PLA2G2D: variants seen among roughly 807,000 people sequenced by gnomAD.
PLA2G2D encodes the protein group IID secretory phospholipase A2.
PLA2G2D carries 17 observed loss-of-function variants against 13.9 expected under a neutral mutation model. The observed-to-expected ratio is 1.23, with a 90% CI of 0.84 to 1.84. The LOEUF (loss-of-function observed/expected upper bound fraction) is 1.84. PLA2G2D is among the 40% of genes most tolerant of loss of function. The pLI, the probability that PLA2G2D is intolerant of heterozygous loss-of-function variation, is 0.00. For synonymous variants in PLA2G2D, 83 were observed against 69.3 expected, an observed-to-expected ratio of 1.20 and a Z score of -0.98; for missense variants, 194 against 178.7, an observed-to-expected ratio of 1.09 and a Z score of -0.49.
chr1:20,112,370 G>T lies in PLA2G2D; in HGVS notation c.*1744C>A, dbSNP rs1316094825. ...CACACAGGCACAGCTGCCCCCATGGGTATCCCTACCTGGAGTGGTGCATAG... is the reference window on the plus strand; with the variant it reads ...CACACAGGCACAGCTGCCCCCATGGTTATCCCTACCTGGAGTGGTGCATAG... On this transcript the variant is annotated 3_prime_UTR_variant, in exon 4 of 4. Transcript: ENST00000375105. 6.6e-6 allele frequency: 1 copy of T among 152,250 alleles called. No individual in the cohort carries two copies. The highest frequency in any genetic ancestry group is 6.5e-5 in the Admixed American group (1 of 15,278). The allele number at this position is 152,250 out of a possible 1,614,324, so 9.4% of individuals were successfully genotyped here. A position where few individuals can be genotyped will look rare whatever the true frequency, so the allele number is the denominator to read the frequency against.
rs2016925643 is a variant in PLA2G2D, at chr1:20,113,499, C to T, written c.*615G>A. The stretch of plus-strand genomic sequence containing the variant: ...CCTGGCGGCTTTGTCTAGGCTTCAC[C>T]CAAGAAGGATTTATGGAGCTCCTTC... On this transcript the variant is annotated 3_prime_UTR_variant, in exon 4 of 4. Coordinates refer to ENST00000375105, the MANE Select transcript of PLA2G2D (RefSeq NM_012400.4). 1 of 152,156 alleles carries T rather than the reference C, an allele frequency of 6.6e-6. No homozygotes were observed. Among genetic ancestry groups the T allele is most frequent in the Admixed American group, 6.5e-5 (1 of 15,274 alleles). The allele number at this position is 152,156 out of a possible 1,614,324, so 9.4% of individuals were successfully genotyped here.
intron 1 of PLA2G2D, among the ~76,000 whole-genome samples, chr1:20,118,122 C>G (rs888943520): frequency 6.6e-6 from 1 of 152,162 alleles, no homozygotes; most frequent in Non-Finnish European, 1.5e-5. Context: ...TGATAAGGAA[C>G]CCAACTGCAA....
At chr1:20,114,865 T>G (rs573401044) in intron 3 of PLA2G2D, among the ~76,000 whole-genome samples, 2 of 152,304 alleles carry the variant, frequency 1.3e-5, no homozygotes, top group South Asian at 4.1e-4. Flanking sequence ...ATATTATTGT[T>G]ACTATTATTA....
intron 3 of PLA2G2D, among the ~76,000 whole-genome samples, chr1:20,114,957 T>C (rs773847694): frequency 6.6e-6 from 1 of 152,134 alleles, no homozygotes; most frequent in Non-Finnish European, 1.5e-5. Context: ...TCTATGCTTG[T>C]GATGCTGGAA....
At chr1:20,115,649 C>T in intron 2 of PLA2G2D, 36 bp from the exon 3 acceptor site, 1 of 1,342,674 alleles carries the variant, frequency 7.4e-7, no homozygotes, top group Non-Finnish European at 1.1e-6. Context: ...CATGGGTCCC[C>T]AGCCTACTGG....
rs142829616 is a variant in PLA2G2D at position 20,117,981 on chromosome 1, G to A, written c.40+1478C>T. Among the ~76,000 whole-genome samples the A allele has an allele frequency of 8.9e-4, 136 of 152,238 alleles. 2 individuals are homozygous for A. Among genetic ancestry groups the A allele is most frequent in the African/African-American group, 2.8e-3 (117 of 41,548 alleles). ...AATGTGTGGGAGTCCATGTTGCCAC[G>A]CCTGTTTGACATGGTGCCTCTAGCT... On this transcript the variant is annotated intron_variant, in intron 1 of 3. Coordinates refer to ENST00000375105, the MANE Select transcript of PLA2G2D (RefSeq NM_012400.4).
Position 20,116,424 on chromosome 1 carries a change from C to G in PLA2G2D, c.94G>C (p.Val32Leu), listed in dbSNP as rs763069479. 6.2e-7 allele frequency: 1 copy of G among 1,614,172 alleles called. No homozygotes were observed. The highest frequency in any genetic ancestry group is 8.5e-7 in the Non-Finnish European group (1 of 1,180,022). ...ILNLNKMVKQ[V>L]TGKMPILSYW... ...GAGAGGATGGGCATTTTCCCAGTCACTTGCTTGACCATCTTGTTCAGGTTC... is the reference window on the plus strand; with the variant it reads ...GAGAGGATGGGCATTTTCCCAGTCAGTTGCTTGACCATCTTGTTCAGGTTC... Residue 32 changes from valine (V) to leucine (L), a missense_variant, in exon 2 of 4, where the codon GTG becomes CTG. Coordinates refer to ENST00000375105, the MANE Select transcript of PLA2G2D (RefSeq NM_012400.4).
intron 2 of PLA2G2D, among the ~76,000 whole-genome samples, chr1:20,115,926 G>A (rs982953532): frequency 5.3e-5 from 8 of 152,210 alleles, no homozygotes; most frequent in Non-Finnish European, 1.2e-4. Context: ...CACACAGCCT[G>A]TAAGTGGCAG....
chr1:20,115,309 G>A (rs2016961438), intron 3 of PLA2G2D, among the ~76,000 whole-genome samples, 198 bp downstream of exon 3: 1 of 152,068 alleles, frequency 6.6e-6, no homozygotes, highest in African/African-American at 2.4e-5. Context: ...CTGAATTCCA[G>A]GTGCTAAAGG....
intron 3 of PLA2G2D, 24 bp from the exon 4 acceptor site, chr1:20,114,283 A>ATGTGTTTG: frequency 6.2e-7 from 1 of 1,608,174 alleles, no homozygotes; most frequent in Non-Finnish European, 8.5e-7. Flanking sequence ...AGGGGGAGCT[A>ATGTGTTTG]TGTGTTTGTC....
chr1:20,116,275 A>G, intron 2 of PLA2G2D, 58 bp downstream of exon 2: 2 of 1,539,888 alleles, frequency 1.3e-6, no homozygotes, highest in Non-Finnish European at 9.0e-7. Flanking sequence ...GTGGAGAGAA[A>G]AGAAGAGTAC....
At chr1:20,117,994 G>A (rs2017023760) in intron 1 of PLA2G2D, among the ~76,000 whole-genome samples, 2 of 152,126 alleles carry the variant, frequency 1.3e-5, no homozygotes. Flanking sequence ...TGTTTGACAT[G>A]GTGCCTCTAG....
rs934000203 is a variant in PLA2G2D, at chr1:20,112,602, T to C, written c.*1512A>G. 2 of 152,144 alleles carry C rather than the reference T, an allele frequency of 1.3e-5. No individual in the cohort carries two copies. The highest frequency in any genetic ancestry group is 2.9e-5 in the Non-Finnish European group (2 of 68,034). The allele number at this position is 152,144 out of a possible 1,614,324, so 9.4% of individuals were successfully genotyped here. Reference sequence around the variant, plus strand: ...GATTGGGAGTCCTCATAGGAAAAAGTTGTCCCTCTTCAGTCTCTTTCCTTA... The same window carrying C: ...GATTGGGAGTCCTCATAGGAAAAAGCTGTCCCTCTTCAGTCTCTTTCCTTA... On this transcript the variant is annotated 3_prime_UTR_variant, in exon 4 of 4. Coordinates refer to ENST00000375105, the MANE Select transcript of PLA2G2D (RefSeq NM_012400.4).
intron 1 of PLA2G2D, among the ~76,000 whole-genome samples, chr1:20,117,948 G>A (rs762350022): frequency 1.4e-4 from 21 of 152,158 alleles, no homozygotes; most frequent in Admixed American, 1.2e-3. Flanking sequence ...TCCCCAGTAC[G>A]TCCCCTCAAT....
In PLA2G2D at chr1:20,113,942, CTGGGA is replaced by C; in HGVS notation, c.*167_*171del. 1 of 553,848 alleles carries C rather than the reference CTGGGA, an allele frequency of 1.8e-6. No homozygotes were observed. Among genetic ancestry groups the C allele is most frequent in the South Asian group, 2.7e-5 (1 of 36,496 alleles). The allele number at this position is 553,848 out of a possible 1,614,324, so 34.3% of individuals were successfully genotyped here. ...TCAGAGGACACAGCTACTGCCTCAACTGGGAGGATTCGGAAAGCTTCAGAAGGTCA... is the reference window on the plus strand; with the variant it reads ...TCAGAGGACACAGCTACTGCCTCAACGGATTCGGAAAGCTTCAGAAGGTCA... On this transcript the variant is annotated 3_prime_UTR_variant, in exon 4 of 4. Coordinates refer to ENST00000375105, the MANE Select transcript of PLA2G2D (RefSeq NM_012400.4).
intron 3 of PLA2G2D, among the ~76,000 whole-genome samples, chr1:20,114,562 A>G (rs1164334954): frequency 6.6e-6 from 1 of 152,168 alleles, no homozygotes; most frequent in African/African-American, 2.4e-5. Flanking sequence ...ACAGGGAGGA[A>G]AAAAACAACT....
intron 1 of PLA2G2D, among the ~76,000 whole-genome samples, chr1:20,118,917 T>C (rs1001363222): frequency 6.6e-6 from 1 of 152,208 alleles, no homozygotes; most frequent in African/African-American, 2.4e-5. Context: ...ATGCAAGTCT[T>C]TTCCAAAATC....
intron 1 of PLA2G2D, among the ~76,000 whole-genome samples, chr1:20,117,939 C>A (rs955620506): frequency 2.6e-5 from 4 of 152,160 alleles, no homozygotes; most frequent in African/African-American, 7.2e-5. Context: ...GCCATCATGT[C>A]CCCAGTACGT....
intron 3 of PLA2G2D, 24 bp from the exon 4 acceptor site, chr1:20,114,283 A>G (rs1199631939): frequency 1.9e-6 from 3 of 1,608,172 alleles, no homozygotes. Flanking sequence ...AGGGGGAGCT[A>G]TGTGTTTGTC....
Sources: allele counts gnomAD v4.1 joint callset (sites outside exome capture counted in the v4.1 genomes callset), GRCh38; gene constraint gnomAD v4.1.1; transcripts MANE v1.5; gene names NCBI Gene and HGNC (gene_info 2026-07-23, HGNC 2026-07-21).